SEMA6D: variants seen among roughly 807,000 people sequenced by gnomAD.
SEMA6D encodes semaphorin 6D, also known as semaphorin-6D.
Under a neutral mutation model 106.6 loss-of-function variants are expected in SEMA6D, and 35 were observed. The observed-to-expected ratio is 0.33, with a 90% CI of 0.25 to 0.44. The LOEUF (loss-of-function observed/expected upper bound fraction) is 0.44. Among genes scored for constraint, SEMA6D ranks in the 20% least tolerant of loss-of-function variants. SEMA6D has a pLI of 1.00. For synonymous variants in SEMA6D, 499 were observed against 487.7 expected (o/e 1.02, Z -0.31); for missense variants, 1,185 against 1,345.9 (o/e 0.88, Z 1.87).
chr15:47,294,357 G>A (rs1160777071), intron 1 of SEMA6D, among the ~76,000 whole-genome samples: 2 of 151,902 alleles, frequency 1.3e-5, no homozygotes, highest in Non-Finnish European at 2.9e-5. Context: ...CCAGGTAGCT[G>A]GGATTACAGG....
intron 3 of SEMA6D, among the ~76,000 whole-genome samples, chr15:47,518,129 C>T (rs1396406495): frequency 1.3e-5 from 2 of 152,142 alleles, no homozygotes; most frequent in East Asian, 3.9e-4. Context: ...TATTTATTTA[C>T]ATTTTAAACT....
intron 1 of SEMA6D, among the ~76,000 whole-genome samples, chr15:47,219,560 T>C (rs988695238): frequency 3.9e-5 from 6 of 152,224 alleles, no homozygotes; most frequent in African/African-American, 1.4e-4. Context: ...GAGTTTTTTA[T>C]GCCATGTTCA....
intron 2 of SEMA6D, among the ~76,000 whole-genome samples, chr15:47,438,705 G>A (rs932649361): frequency 2.6e-5 from 4 of 151,728 alleles, no homozygotes; most frequent in South Asian, 2.1e-4. Context: ...TAATGGGCCT[G>A]CCATGATCTT....
intron 1 of SEMA6D, among the ~76,000 whole-genome samples, chr15:47,245,270 T>C (rs1205125554): frequency 6.6e-6 from 1 of 152,210 alleles, no homozygotes; most frequent in East Asian, 1.9e-4. Flanking sequence ...CTTTGAGAAA[T>C]CTTCAAACTG....
intron 1 of SEMA6D, among the ~76,000 whole-genome samples, chr15:47,284,821 T>C (rs1026772909): frequency 6.6e-6 from 1 of 152,192 alleles, no homozygotes; most frequent in Non-Finnish European, 1.5e-5. Context: ...TCAGGTACTT[T>C]TAAATGAGCA....
chr15:47,565,228 G>A (rs2046195135), intron 3 of SEMA6D, among the ~76,000 whole-genome samples: 1 of 152,204 alleles, frequency 6.6e-6, no homozygotes, highest in African/African-American at 2.4e-5. Flanking sequence ...ATTAGAGACT[G>A]CTGCAGGGCC....
intron 3 of SEMA6D, among the ~76,000 whole-genome samples, chr15:47,552,800 A>T (rs1292715805): frequency 2.0e-5 from 1 of 50,830 alleles, no homozygotes; most frequent in Non-Finnish European, 3.0e-5. Context: ...TTTTATATAT[A>T]TATAAAAATA....
At chr15:47,273,574 G>A (rs1048812041) in intron 1 of SEMA6D, among the ~76,000 whole-genome samples, 2 of 152,174 alleles carry the variant, frequency 1.3e-5, no homozygotes, top group African/African-American at 4.8e-5. Flanking sequence ...TCTTTAGCCA[G>A]AATTCTATCC....
At chr15:47,752,523 T>C (rs1177658037) in intron 1 of SEMA6D, among the ~76,000 whole-genome samples, 1 of 152,160 alleles carries the variant, frequency 6.6e-6, no homozygotes, top group African/African-American at 2.4e-5. Context: ...GGTGATAGCT[T>C]GAGTGGGATC....
chr15:47,284,127 G>C (rs991496206), intron 1 of SEMA6D, among the ~76,000 whole-genome samples: 1 of 152,130 alleles, frequency 6.6e-6, no homozygotes, highest in African/African-American at 2.4e-5. Context: ...GGAAGGTTCA[G>C]ACAGGAATCC....
chr15:47,293,395 T>C (rs768837729), intron 1 of SEMA6D, among the ~76,000 whole-genome samples: 9 of 152,216 alleles, frequency 5.9e-5, no homozygotes, highest in Non-Finnish European at 1.2e-4. Context: ...GCCTTTACAA[T>C]TGTGCGTTGT....
intron 3 of SEMA6D, among the ~76,000 whole-genome samples, chr15:47,572,466 G>A (rs2076079405): frequency 6.6e-6 from 1 of 152,160 alleles, no homozygotes; most frequent in South Asian, 2.1e-4. Flanking sequence ...GGCAGCTTCT[G>A]TATTCGGCAC....
chr15:47,560,368 G>T (rs533129960), intron 3 of SEMA6D, among the ~76,000 whole-genome samples: 9 of 151,892 alleles, frequency 5.9e-5, no homozygotes, highest in South Asian at 2.1e-4. Flanking sequence ...TGAAGGGAGA[G>T]AAATTATTTT....
chr15:47,246,446 AG>A (rs1322216658), intron 1 of SEMA6D, among the ~76,000 whole-genome samples: 10 of 152,214 alleles, frequency 6.6e-5, no homozygotes, highest in African/African-American at 2.2e-4. Flanking sequence ...ATATCTTTGT[AG>A]ACTAGAAGTT....
intron 1 of SEMA6D, among the ~76,000 whole-genome samples, chr15:47,198,659 A>G (rs1595728726): frequency 6.6e-6 from 1 of 152,264 alleles, no homozygotes; most frequent in East Asian, 1.9e-4. Flanking sequence ...TTGCAATTGG[A>G]TGAGATTTTT....
intron 4 of SEMA6D, among the ~76,000 whole-genome samples, chr15:47,636,741 A>G (rs1194925457): frequency 6.6e-5 from 10 of 152,162 alleles, no homozygotes; most frequent in Non-Finnish European, 1.2e-4. Flanking sequence ...AAGGCAGTAT[A>G]TTGGCTTTTG....
intron 3 of SEMA6D, among the ~76,000 whole-genome samples, chr15:47,554,553 A>T (rs1470241637): frequency 1.3e-5 from 2 of 152,220 alleles, no homozygotes; most frequent in Admixed American, 6.5e-5. Flanking sequence ...TCACTTCAGC[A>T]TTCAGTTTTC....
At chr15:47,283,466 G>T (rs1290598965) in intron 1 of SEMA6D, among the ~76,000 whole-genome samples, 1 of 152,076 alleles carries the variant, frequency 6.6e-6, no homozygotes, top group Non-Finnish European at 1.5e-5. Flanking sequence ...GCTTACATCT[G>T]TCTCCTCTCA....
intron 1 of SEMA6D, 104 bp downstream of exon 1, chr15:47,717,796 C>CGTGCGCGGT: frequency 8.3e-6 from 1 of 120,412 alleles, no homozygotes; most frequent in African/African-American, 3.8e-5. Context: ...TGTGTGTGTG[C>CGTGCGCGGT]GCGCGGTGGG....
Sources: gnomAD v4.1 joint callset for allele counts (sites outside exome capture counted in the v4.1 genomes callset) on GRCh38, gnomAD v4.1.1 for gene constraint, MANE v1.5 for transcripts, NCBI Gene and HGNC (gene_info 2026-07-23, HGNC 2026-07-21) for gene names.